Variants in LRRC4C observed in about 807,000 individuals in gnomAD.
The protein encoded by LRRC4C is leucine-rich repeat-containing protein 4C.
In LRRC4C, 5 loss-of-function variants were observed where a neutral mutation model predicts 33.6. The ratio of observed to expected loss-of-function variants is 0.15; its 90% confidence interval spans 0.08 to 0.31. The LOEUF is 0.31. LRRC4C is among the 10% of genes least tolerant of loss of function. The pLI, the probability that LRRC4C is intolerant of heterozygous loss-of-function variation, is 1.00. For synonymous variants in LRRC4C, 329 were observed against 302.0 expected (o/e 1.09, Z -0.93); for missense variants, 560 against 796.7 (o/e 0.70, Z 3.58).
At chr11:40,338,530 G>A (rs186690624) in intron 3 of LRRC4C, among the ~76,000 whole-genome samples, 96 of 152,238 alleles carry the variant, frequency 6.3e-4, no homozygotes, top group Middle Eastern at 3.4e-3. Context: ...GTTTTAATCT[G>A]ATATGATCTA....
intron 2 of LRRC4C, among the ~76,000 whole-genome samples, chr11:40,698,996 C>T (rs941752058): frequency 2.0e-5 from 3 of 152,104 alleles, no homozygotes; most frequent in Admixed American, 6.6e-5. Flanking sequence ...CACAGCCAAA[C>T]CATATCCAAC....
At chr11:40,759,057 G>A (rs1490834765) in intron 2 of LRRC4C, among the ~76,000 whole-genome samples, 1 of 147,766 alleles carries the variant, frequency 6.8e-6, no homozygotes, top group Non-Finnish European at 1.5e-5. Context: ...CAATTTATAT[G>A]GAAGATAGTG....
intron 1 of LRRC4C, among the ~76,000 whole-genome samples, chr11:41,051,411 T>A (rs1037679427): frequency 6.6e-6 from 1 of 151,570 alleles, no homozygotes; most frequent in African/African-American, 2.4e-5. Context: ...TTACATCTGA[T>A]GTGTAAATTG....
At chr11:40,761,531 TA>T (rs1372870864) in intron 2 of LRRC4C, among the ~76,000 whole-genome samples, 4 of 152,100 alleles carry the variant, frequency 2.6e-5, no homozygotes, top group South Asian at 4.1e-4. Context: ...CATGGATTGC[TA>T]AAAAGAAAAT....
At chr11:41,033,872 T>G (rs1345284055) in intron 1 of LRRC4C, among the ~76,000 whole-genome samples, 1 of 152,146 alleles carries the variant, frequency 6.6e-6, no homozygotes. Context: ...TGGGCATAAT[T>G]TTGTGGCTGT....
At chr11:41,349,460 AAC>A (rs1951903944) in intron 1 of LRRC4C, among the ~76,000 whole-genome samples, 1 of 149,602 alleles carries the variant, frequency 6.7e-6, no homozygotes, top group Admixed American at 6.6e-5. Context: ...GGAGGAAAAA[AAC>A]AAAACAAAAC....
At chr11:40,218,593 T>C (rs572135361) in intron 5 of LRRC4C, among the ~76,000 whole-genome samples, 20 of 78,780 alleles carry the variant, frequency 2.5e-4, no homozygotes, top group African/African-American at 8.7e-4. Context: ...TATGTATGTA[T>C]GTATGTATGT....
intron 1 of LRRC4C, among the ~76,000 whole-genome samples, chr11:41,265,442 CT>C (rs932908165): frequency 3.3e-5 from 5 of 152,048 alleles, no homozygotes; most frequent in African/African-American, 1.2e-4. Context: ...AATAGGGGAC[CT>C]TAAGTCAAGG....
intron 2 of LRRC4C, among the ~76,000 whole-genome samples, chr11:40,853,062 G>A (rs1214991656): frequency 6.6e-6 from 1 of 152,110 alleles, no homozygotes; most frequent in Admixed American, 6.6e-5. Flanking sequence ...TAATGGAGCT[G>A]GAAGATGACT....
intron 5 of LRRC4C, among the ~76,000 whole-genome samples, chr11:40,144,754 C>T (rs990490662): frequency 1.3e-5 from 2 of 151,992 alleles, no homozygotes; most frequent in African/African-American, 2.4e-5. Context: ...TAATAAAAGC[C>T]CTAATATGTG....
At chr11:41,037,551 G>T (rs1746901150) in intron 1 of LRRC4C, among the ~76,000 whole-genome samples, 1 of 145,004 alleles carries the variant, frequency 6.9e-6, no homozygotes, top group Non-Finnish European at 1.5e-5. Flanking sequence ...CATGCTTGCT[G>T]AACTTTCTTA....
chr11:41,370,601 A>G (rs903506019), intron 1 of LRRC4C, among the ~76,000 whole-genome samples: 7 of 152,046 alleles, frequency 4.6e-5, no homozygotes, highest in African/African-American at 1.7e-4. Flanking sequence ...CATGATTCTG[A>G]GGTCTCCCCA....
Position 40,889,290 on chromosome 11 carries a change from G to A in LRRC4C, c.-407+44345C>T, listed in dbSNP as rs145336361. 1.1e-3 allele frequency among the ~76,000 whole-genome samples: 163 copies of A among 152,192 alleles called. 2 individuals are homozygous for A. The East Asian group carries it at 0.026, about 24-fold the overall frequency. On this transcript the variant is annotated intron_variant, in intron 2 of 6. Transcript: ENST00000528697. Reference sequence around the variant, plus strand: ...AGATGCTCATAATATACTGTTTAATGTGAATTAAAGATTGAAAAACAGTAA... The same window carrying A: ...AGATGCTCATAATATACTGTTTAATATGAATTAAAGATTGAAAAACAGTAA...
At chr11:40,236,665 A>G (rs771845107) in intron 5 of LRRC4C, among the ~76,000 whole-genome samples, 6 of 152,124 alleles carry the variant, frequency 3.9e-5, no homozygotes, top group Non-Finnish European at 8.8e-5. Context: ...TTTCCCTGTA[A>G]TAGCAATATG....
At chr11:41,313,979 T>C (rs940219286) in intron 1 of LRRC4C, among the ~76,000 whole-genome samples, 27 of 152,200 alleles carry the variant, frequency 1.8e-4, no homozygotes, top group African/African-American at 6.0e-4. Flanking sequence ...ATGAATAATT[T>C]TGGGTATACT....
intron 1 of LRRC4C, among the ~76,000 whole-genome samples, chr11:41,120,835 A>G (rs1942387090): frequency 2.0e-5 from 3 of 152,108 alleles, no homozygotes; most frequent in South Asian, 2.1e-4. Flanking sequence ...ATGCTGCCCT[A>G]TTGACAGTGA....
chr11:40,753,733 C>G lies in LRRC4C; in HGVS notation c.-406-105455G>C, dbSNP rs529584576. Among the ~76,000 whole-genome samples the G allele has an allele frequency of 9.9e-5, 15 of 151,946 alleles. No individual in the cohort carries two copies. In the East Asian group the frequency reaches 2.9e-3, roughly 29 times the overall value. On this transcript the variant is annotated intron_variant, in intron 2 of 6. Coordinates refer to ENST00000528697, the MANE Select transcript of LRRC4C (RefSeq NM_001258419.2). ...ATTCTAAAGTGCGTCATATTCTTTACACATTTTGATTGTTACGTGAGTATG... is the reference window on the plus strand; with the variant it reads ...ATTCTAAAGTGCGTCATATTCTTTAGACATTTTGATTGTTACGTGAGTATG...
intron 1 of LRRC4C, among the ~76,000 whole-genome samples, chr11:41,349,888 T>C (rs1006817468): frequency 6.6e-6 from 1 of 152,220 alleles, no homozygotes; most frequent in African/African-American, 2.4e-5. Flanking sequence ...AACATATGAT[T>C]TAAAAATAAA....
At chr11:40,534,711 G>T (rs1956402446) in intron 3 of LRRC4C, among the ~76,000 whole-genome samples, 1 of 152,160 alleles carries the variant, frequency 6.6e-6, no homozygotes, top group Non-Finnish European at 1.5e-5. Flanking sequence ...GCTCAGAAAT[G>T]TCCCTTCGTA....
Sources: gnomAD v4.1 joint callset for allele counts (sites outside exome capture counted in the v4.1 genomes callset) on GRCh38, gnomAD v4.1.1 for gene constraint, MANE v1.5 for transcripts, NCBI Gene and HGNC (gene_info 2026-07-23, HGNC 2026-07-21) for gene names.